Variants in DOCK1 observed in about 807,000 individuals in gnomAD.
DOCK1 encodes dedicator of cytokinesis 1.
In DOCK1, 138 loss-of-function variants were observed where a neutral mutation model predicts 262.7. The ratio of observed to expected loss-of-function variants is 0.53; its 90% CI spans 0.46 to 0.61. DOCK1 has a LOEUF of 0.61. DOCK1 is among the 20% of genes least tolerant of loss of function. DOCK1 has a pLI of 0.00. For synonymous variants in DOCK1, 866 were observed against 867.4 expected (o/e 1.00, Z 0.03); for missense variants, 1,908 against 2,370.7 (o/e 0.80, Z 4.05).
At chr10:126,942,238 T>G (rs2035070792) in intron 1 of DOCK1, among the ~76,000 whole-genome samples, 1 of 152,146 alleles carries the variant, frequency 6.6e-6, no homozygotes, top group South Asian at 2.1e-4. Flanking sequence ...TTAGCCAGGA[T>G]GGTCTCGATC....
At chr10:127,261,541 G>A (rs1448972179) in intron 29 of DOCK1, among the ~76,000 whole-genome samples, 1 of 139,370 alleles carries the variant, frequency 7.2e-6, no homozygotes, top group African/African-American at 2.8e-5. Flanking sequence ...GCATGTGGGT[G>A]TGTGTGTACC....
chr10:127,418,931 T>C (rs1407193335), intron 45 of DOCK1, among the ~76,000 whole-genome samples: 2 of 152,250 alleles, frequency 1.3e-5, no homozygotes, highest in Non-Finnish European at 2.9e-5. Context: ...CCCGGCCAGC[T>C]GGTCTCCCTG....
At chr10:127,222,753 C>A (rs1264916880) in intron 27 of DOCK1, among the ~76,000 whole-genome samples, 1 of 141,218 alleles carries the variant, frequency 7.1e-6, no homozygotes, top group African/African-American at 2.5e-5. Context: ...GCGGCCTTGA[C>A]CTCCTAGGCT....
chr10:126,925,021 AC>A (rs1273862942), intron 1 of DOCK1, among the ~76,000 whole-genome samples: 1 of 152,234 alleles, frequency 6.6e-6, no homozygotes, highest in Non-Finnish European at 1.5e-5. Context: ...AAATGTGTCA[AC>A]CCACGTTTTT....
At chr10:127,416,626 C>T (rs2068171536) in intron 44 of DOCK1, among the ~76,000 whole-genome samples, 1 of 152,238 alleles carries the variant, frequency 6.6e-6, no homozygotes, top group African/African-American at 2.4e-5. Context: ...CTGATGCCCT[C>T]CTCGTGCCAC....
chr10:126,927,891 G>A (rs2033878793), intron 1 of DOCK1, among the ~76,000 whole-genome samples: 4 of 152,118 alleles, frequency 2.6e-5, no homozygotes, highest in Non-Finnish European at 5.9e-5. Context: ...AAGGACTTGG[G>A]GCCAGGCAGT....
intron 27 of DOCK1, among the ~76,000 whole-genome samples, chr10:127,237,907 C>A (rs2059128584): frequency 1.3e-5 from 2 of 152,142 alleles, no homozygotes; most frequent in Non-Finnish European, 1.5e-5. Flanking sequence ...TTCATATGTA[C>A]AAAAATGTTG....
At chr10:127,146,049 A>G (rs2051811208) in intron 27 of DOCK1, 1 of 518,388 alleles carries the variant, frequency 1.9e-6, no homozygotes, top group Non-Finnish European at 3.9e-6. Flanking sequence ...CCAGCCCTAG[A>G]CATCGTGGCC....
chr10:127,370,754 G>A (rs541476290), intron 33 of DOCK1, among the ~76,000 whole-genome samples: 4 of 152,256 alleles, frequency 2.6e-5, no homozygotes, highest in African/African-American at 4.8e-5. Flanking sequence ...ACTCCGTCAC[G>A]TCAATTTAAC....
At chr10:127,194,968 C>T (rs1228056983) in intron 27 of DOCK1, among the ~76,000 whole-genome samples, 3 of 152,162 alleles carry the variant, frequency 2.0e-5, no homozygotes, top group Non-Finnish European at 2.9e-5. Flanking sequence ...AGACCAACAG[C>T]AGGAGAGGGG....
chr10:127,385,414 G>A (rs1998863), intron 38 of DOCK1, among the ~76,000 whole-genome samples: 114,806 of 151,914 alleles, frequency 0.76, 43,535 homozygotes, highest in African/African-American at 0.83. Context: ...TCTGATTAAG[G>A]TATGCAGTAA....
chr10:126,970,194 C>T (rs2037993518), intron 1 of DOCK1, among the ~76,000 whole-genome samples: 1 of 152,084 alleles, frequency 6.6e-6, no homozygotes, highest in African/African-American at 2.4e-5. Flanking sequence ...AGCTTTATGT[C>T]AGGATAAACA....
intron 1 of DOCK1, among the ~76,000 whole-genome samples, chr10:126,957,319 G>T (rs1298298950): frequency 6.6e-6 from 1 of 152,102 alleles, no homozygotes; most frequent in Non-Finnish European, 1.5e-5. Context: ...CTTCAGGCTT[G>T]GGGACGGCAC....
intron 31 of DOCK1, among the ~76,000 whole-genome samples, chr10:127,354,042 T>C (rs1034928063): frequency 6.6e-6 from 1 of 152,212 alleles, no homozygotes; most frequent in East Asian, 1.9e-4. Flanking sequence ...GTTAAATTGC[T>C]CACAAACTAA....
At chr10:127,132,520 C>T (rs1770386) in intron 27 of DOCK1, among the ~76,000 whole-genome samples, 125,030 of 152,220 alleles carry the variant, frequency 0.82, 52,052 homozygotes, top group East Asian at 0.94. Flanking sequence ...GGATTTATTT[C>T]AGCCTTCCTT....
intron 1 of DOCK1, among the ~76,000 whole-genome samples, chr10:126,963,673 C>CCTTCCTTCCTTCCTTCCTTCCTTCCTT (rs2037453675): frequency 2.4e-5 from 2 of 82,460 alleles, no homozygotes; most frequent in African/African-American, 9.9e-5. Flanking sequence ...CTTCCTTCCT[C>CCTTCCTTCCTTCCTTCCTTCCTTCCTT]CCTCCCTTCC....
chr10:126,994,055 T>G (rs1353969411), intron 6 of DOCK1, among the ~76,000 whole-genome samples: 5 of 152,230 alleles, frequency 3.3e-5, no homozygotes, highest in Admixed American at 3.3e-4. Context: ...TAAAAAAGCC[T>G]GTTTCCATCG....
At chr10:127,090,983 G>GGTTT (rs1380593983) in intron 23 of DOCK1, among the ~76,000 whole-genome samples, 5 of 137,204 alleles carry the variant, frequency 3.6e-5, no homozygotes, top group African/African-American at 1.4e-4. Flanking sequence ...CGTCTATTTG[G>GGTTT]TTTTTTTTTT....
intron 27 of DOCK1, among the ~76,000 whole-genome samples, chr10:127,156,551 TTCTTCTTCTTC>T (rs1291555215): frequency 2.2e-4 from 21 of 94,906 alleles, no homozygotes; most frequent in African/African-American, 3.9e-4. Context: ...CTTCTTCTTC[TTCTTCTTCTTC>T]TTTTTTTTTT....
Sources: allele counts gnomAD v4.1 joint callset (sites outside exome capture counted in the v4.1 genomes callset), GRCh38; gene constraint gnomAD v4.1.1; transcripts MANE v1.5; gene names NCBI Gene and HGNC (gene_info 2026-07-23, HGNC 2026-07-21).